SLC13A3: variants seen among roughly 807,000 people sequenced by gnomAD.
The protein encoded by SLC13A3 is solute carrier family 13 member 3.
In SLC13A3, 40 loss-of-function variants were observed where a neutral mutation model predicts 59.0. The ratio of observed to expected loss-of-function variants is 0.68; its 90% CI spans 0.53 to 0.88. The LOEUF is 0.88. Ranked by LOEUF, SLC13A3 falls within the 40% of genes least tolerant of loss-of-function variation. The pLI is 0.00. For missense variants in SLC13A3, 699 were observed against 783.2 expected (o/e 0.89, Z 1.28); for synonymous variants, 317 against 330.3 (o/e 0.96, Z 0.44).
intron 1 of SLC13A3, among the ~76,000 whole-genome samples, chr20:46,626,494 T>G (rs1265039566): frequency 6.6e-6 from 1 of 152,044 alleles, no homozygotes; most frequent in Admixed American, 6.6e-5. Flanking sequence ...CTTGGCCCAC[T>G]TGGGGTTTTG....
intron 1 of SLC13A3, among the ~76,000 whole-genome samples, chr20:46,646,878 T>C (rs2062900038): frequency 6.6e-6 from 1 of 152,178 alleles, no homozygotes; most frequent in Non-Finnish European, 1.5e-5. Flanking sequence ...CCAGCAAGTA[T>C]GTGGAATGCG....
intron 9 of SLC13A3, chr20:46,582,848 G>A: frequency 2.0e-6 from 2 of 985,414 alleles, no homozygotes; most frequent in Non-Finnish European, 2.4e-6. Context: ...GTCACCTTCT[G>A]GTAGACATCT....
chr20:46,578,822 C>T (rs1387811604), intron 9 of SLC13A3, among the ~76,000 whole-genome samples: 2 of 135,688 alleles, frequency 1.5e-5, no homozygotes, highest in Admixed American at 1.5e-4. Context: ...TGGACAGAGC[C>T]CTGAATGAAG....
intron 10 of SLC13A3, among the ~76,000 whole-genome samples, chr20:46,566,822 A>G (rs2061985265): frequency 6.7e-6 from 1 of 149,814 alleles, no homozygotes; most frequent in Non-Finnish European, 1.5e-5. Context: ...ATTTAATAAT[A>G]TATTAATATG....
At chr20:46,666,472 TTTGTTGTTGTTG>T (rs11469962) in intron 1 of SLC13A3, among the ~76,000 whole-genome samples, 81 of 149,438 alleles carry the variant, frequency 5.4e-4, no homozygotes, top group African/African-American at 6.7e-4. Context: ...GTTTTGTTGC[TTTGTTGTTGTTG>T]TTGTTGTTGT....
chr20:46,557,960 A>C lies in SLC13A3; in HGVS notation c.*2062T>G, dbSNP rs2061899123. On this transcript the variant is annotated 3_prime_UTR_variant, in exon 13 of 13. Transcript: ENST00000279027. ...GAGCAGATTCAAGCAGCAAATATTT[A>C]CTGAACACTTGCTATGTGCTGGAAA... 6.6e-6 allele frequency: 1 copy of C among 152,256 alleles called. No individual in the cohort carries two copies. The highest frequency in any genetic ancestry group is 2.1e-4 in the South Asian group (1 of 4,836). The allele number at this position is 152,256 out of a possible 1,614,324, so 9.4% of individuals were successfully genotyped here. A position where few individuals can be genotyped will look rare whatever the true frequency, so the allele number is the denominator to read the frequency against.
intron 3 of SLC13A3, among the ~76,000 whole-genome samples, chr20:46,605,049 C>A (rs2062423962): frequency 6.6e-6 from 1 of 152,170 alleles, no homozygotes; most frequent in African/African-American, 2.4e-5. Flanking sequence ...CAGCCCTCGC[C>A]TGGCCCCGTT....
upstream of SLC13A3, among the ~76,000 whole-genome samples, chr20:46,672,783 T>A (rs2063100742): frequency 6.6e-6 from 1 of 152,124 alleles, no homozygotes; most frequent in Non-Finnish European, 1.5e-5. Flanking sequence ...GGAGAGGCCA[T>A]GAGTATCTGC....
upstream of SLC13A3, among the ~76,000 whole-genome samples, chr20:46,654,652 C>T (rs2062971886): frequency 6.6e-6 from 1 of 152,134 alleles, no homozygotes; most frequent in Admixed American, 6.5e-5. Flanking sequence ...GCCTCAGCCT[C>T]CTGAGTAGCT....
chr20:46,584,075 T>C (rs1398479311), intron 8 of SLC13A3: 1 of 985,222 alleles, frequency 1.0e-6, no homozygotes, highest in African/African-American at 1.7e-5. Context: ...GGCAGCTCAC[T>C]GCATTGAGAT....
chr20:46,563,271 T>C, intron 12 of SLC13A3, 143 bp downstream of exon 12: 1 of 949,962 alleles, frequency 1.1e-6, no homozygotes, highest in East Asian at 2.8e-5. Flanking sequence ...CTGCTAAATG[T>C]ATGTTCCTGG....
At chr20:46,596,896 T>A (rs1422367510) in intron 4 of SLC13A3, among the ~76,000 whole-genome samples, 3 of 151,716 alleles carry the variant, frequency 2.0e-5, no homozygotes, top group African/African-American at 4.8e-5. Context: ...ATAAAAAAAA[T>A]TTAAAAATCA....
intron 8 of SLC13A3, 105 bp downstream of exon 8, chr20:46,587,954 T>A (rs1474980101): frequency 1.8e-6 from 1 of 561,464 alleles, no homozygotes; most frequent in East Asian, 3.0e-5. Flanking sequence ...AGATGGAAAC[T>A]TGGATGCGTG....
In SLC13A3 at chr20:46,595,610, G is replaced by A. The variant is rs73622677; in HGVS notation, c.794+547C>T. The stretch of plus-strand genomic sequence containing the variant: ...CCCATCTCACTTGGAGGAAAAGCTG[G>A]AGTCCTTAGACAACACTTACCGCTA... On this transcript the variant is annotated intron_variant, in intron 5 of 12. Coordinates refer to ENST00000279027, the MANE Select transcript of SLC13A3 (RefSeq NM_022829.6). 7.0e-3 allele frequency among the ~76,000 whole-genome samples: 1,062 copies of A among 152,240 alleles called. 13 individuals are homozygous for A. The highest frequency in any genetic ancestry group is 0.065 in the East Asian group (338 of 5,164).
intron 1 of SLC13A3, among the ~76,000 whole-genome samples, chr20:46,665,316 A>G (rs1197752537): frequency 6.6e-6 from 1 of 152,154 alleles, no homozygotes; most frequent in East Asian, 1.9e-4. Flanking sequence ...GACACTCACA[A>G]TGCAACCATC....
intron 1 of SLC13A3, among the ~76,000 whole-genome samples, chr20:46,669,682 A>G (rs1226615975): frequency 1.3e-5 from 2 of 152,234 alleles, no homozygotes; most frequent in Non-Finnish European, 2.9e-5. Context: ...CAAGGTACTC[A>G]TAATTTTATT....
intron 9 of SLC13A3, among the ~76,000 whole-genome samples, chr20:46,576,023 A>G (rs991400877): frequency 1.3e-5 from 2 of 152,186 alleles, no homozygotes; most frequent in Non-Finnish European, 1.5e-5. Flanking sequence ...TTGTACTGGA[A>G]CATGTACAGA....
At chr20:46,640,290 G>A (rs1281608169) in intron 1 of SLC13A3, among the ~76,000 whole-genome samples, 1 of 152,170 alleles carries the variant, frequency 6.6e-6, no homozygotes, top group African/African-American at 2.4e-5. Context: ...TGCGCAGAGG[G>A]CTGGTAAGGT....
intron 10 of SLC13A3, among the ~76,000 whole-genome samples, chr20:46,569,206 G>A (rs2062008950): frequency 6.6e-6 from 1 of 152,016 alleles, no homozygotes; most frequent in African/African-American, 2.4e-5. Flanking sequence ...TGCCCAGGCT[G>A]GTTTGAACCT....
Sources: gnomAD v4.1 joint callset for allele counts (sites outside exome capture counted in the v4.1 genomes callset) on GRCh38, gnomAD v4.1.1 for gene constraint, MANE v1.5 for transcripts, NCBI Gene and HGNC (gene_info 2026-07-23, HGNC 2026-07-21) for gene names.